Variants in GRM7 observed in about 807,000 individuals in gnomAD.
GRM7 encodes the protein metabotropic glutamate receptor 7.
A neutral mutation model predicts 84.5 loss-of-function variants in GRM7; 35 were observed. The observed-to-expected ratio is 0.41, with a 90% confidence interval of 0.32 to 0.55. The LOEUF (loss-of-function observed/expected upper bound fraction) is 0.55, where lower values mean the gene tolerates loss of function less well. Among genes scored for constraint, GRM7 ranks in the 20% least tolerant of loss-of-function variants. GRM7 has a pLI of 0.19. For synonymous variants in GRM7, 487 were observed against 455.1 expected, an observed-to-expected ratio of 1.07 and a Z score of -0.89; for missense variants, 1,003 against 1,194.6, an observed-to-expected ratio of 0.84 and a Z score of 2.36.
intron 1 of GRM7, among the ~76,000 whole-genome samples, chr3:7,087,288 T>C (rs1281542023): frequency 1.3e-5 from 2 of 152,184 alleles, no homozygotes; most frequent in Admixed American, 1.3e-4. Flanking sequence ...TTTATCTTAA[T>C]TACATTATAG....
intron 6 of GRM7, among the ~76,000 whole-genome samples, chr3:7,453,577 A>T (rs1019989608): frequency 6.6e-6 from 1 of 152,142 alleles, no homozygotes; most frequent in Non-Finnish European, 1.5e-5. Flanking sequence ...CCTAGGGCAA[A>T]GTCTGAAAGG....
intron 1 of GRM7, among the ~76,000 whole-genome samples, chr3:6,867,654 A>T (rs1272229991): frequency 6.6e-6 from 1 of 152,166 alleles, no homozygotes; most frequent in African/African-American, 2.4e-5. Flanking sequence ...ACAATTAAAA[A>T]CAGCTGCAAA....
intron 7 of GRM7, among the ~76,000 whole-genome samples, chr3:7,482,417 G>A (rs577631187): frequency 2.6e-5 from 4 of 152,258 alleles, no homozygotes; most frequent in Admixed American, 6.5e-5. Flanking sequence ...AAACTGATAT[G>A]TAGGTAACCA....
intron 1 of GRM7, among the ~76,000 whole-genome samples, chr3:7,095,841 AAGT>A (rs1292983294): frequency 6.6e-6 from 1 of 152,150 alleles, no homozygotes; most frequent in Non-Finnish European, 1.5e-5. Flanking sequence ...TCTCAAGAAA[AAGT>A]AGCAGCCTTG....
intron 1 of GRM7, among the ~76,000 whole-genome samples, chr3:6,907,800 C>T (rs575581632): frequency 6.6e-6 from 1 of 152,058 alleles, no homozygotes; most frequent in African/African-American, 2.4e-5. Context: ...TTTAGAAAAC[C>T]ACAACAGTCC....
chr3:7,168,441 A>G (rs1332832323), intron 2 of GRM7, among the ~76,000 whole-genome samples: 1 of 152,106 alleles, frequency 6.6e-6, no homozygotes, highest in Non-Finnish European at 1.5e-5. Context: ...ATGGCCTGAT[A>G]ACAAGAAACA....
chr3:7,096,876 T>C (rs1359651291), intron 1 of GRM7, among the ~76,000 whole-genome samples: 2 of 152,182 alleles, frequency 1.3e-5, no homozygotes, highest in Non-Finnish European at 2.9e-5. Context: ...ATATTCTTTA[T>C]TATGCTATAG....
intron 9 of GRM7, chr3:7,681,997 A>G (rs1374697836): frequency 6.6e-6 from 1 of 152,226 alleles, no homozygotes; most frequent in Non-Finnish European, 1.5e-5. Flanking sequence ...GATGCAGTTA[A>G]GTGTAGATTA....
At chr3:7,683,316 C>G (rs1472851076) in intron 9 of GRM7, among the ~76,000 whole-genome samples, 2 of 152,154 alleles carry the variant, frequency 1.3e-5, no homozygotes, top group Non-Finnish European at 2.9e-5. Flanking sequence ...TCTTTCCTTG[C>G]AAAAGTTTCA....
At chr3:7,378,543 C>T (rs1694454671) in intron 4 of GRM7, among the ~76,000 whole-genome samples, 1 of 152,102 alleles carries the variant, frequency 6.6e-6, no homozygotes, top group Admixed American at 6.6e-5. Context: ...CTAAGACGGC[C>T]TCTTCTTGAA....
intron 1 of GRM7, among the ~76,000 whole-genome samples, chr3:6,930,305 A>G (rs554144615): frequency 6.6e-4 from 101 of 152,342 alleles, no homozygotes; most frequent in African/African-American, 2.2e-3. Context: ...GAAAAATGTT[A>G]TATCTGACAT....
chr3:7,331,795 G>A, intron 4 of GRM7, among the ~76,000 whole-genome samples: 1 of 152,106 alleles, frequency 6.6e-6, no homozygotes, highest in East Asian at 1.9e-4. Context: ...ACAGCACAGA[G>A]GTAGCTCTCT....
chr3:6,888,490 T>C (rs1695795988), intron 1 of GRM7, among the ~76,000 whole-genome samples: 1 of 152,148 alleles, frequency 6.6e-6, no homozygotes, highest in African/African-American at 2.4e-5. Flanking sequence ...AAATAGGGAA[T>C]CCTTTCCCCA....
chr3:7,693,097 GTCTGCTAGAACGGAAATGTTTA>G (rs1194183215), intron 9 of GRM7, among the ~76,000 whole-genome samples: 1 of 151,698 alleles, frequency 6.6e-6, no homozygotes, highest in Non-Finnish European at 1.5e-5. Flanking sequence ...AAAGAACATG[GTCTGCTAGAACGGAAATGTTTA>G]ATTCTCAGAA....
chr3:6,963,119 A>G (rs1693365694), intron 1 of GRM7, among the ~76,000 whole-genome samples: 2 of 152,168 alleles, frequency 1.3e-5, no homozygotes, highest in South Asian at 2.1e-4. Context: ...TTTTCTTTGG[A>G]GATGTTTTCC....
At chr3:7,515,229 G>GTTAAGAAACTGAGTTAAGAGAAAAAAAT (rs1700334516) in intron 7 of GRM7, among the ~76,000 whole-genome samples, 1 of 130,646 alleles carries the variant, frequency 7.7e-6, no homozygotes. Flanking sequence ...AAAAAAAAAA[G>GTTAAGAAACTGAGTTAAGAGAAAAAAAT]ACATCAAATA....
chr3:7,385,163 A>T (rs1694735208), intron 4 of GRM7, among the ~76,000 whole-genome samples: 1 of 152,058 alleles, frequency 6.6e-6, no homozygotes, highest in Non-Finnish European at 1.5e-5. Flanking sequence ...CCGGGAGATT[A>T]AGTCATTATA....
At chr3:7,678,700 C>T (rs1316217219) in intron 8 of GRM7, among the ~76,000 whole-genome samples, 1 of 152,160 alleles carries the variant, frequency 6.6e-6, no homozygotes, top group Admixed American at 6.5e-5. Flanking sequence ...CGTTTGGAGA[C>T]ATACATATTC....
rs1198478872 is a variant in GRM7, at chr3:7,464,646, C to T, written c.1515+2924C>T. On this transcript the variant is annotated intron_variant, in intron 7 of 9. Coordinates refer to ENST00000357716, the MANE Select transcript of GRM7 (RefSeq NM_000844.4). ...GAGATCAAGACCATCCTGGCTAACA[C>T]TGTGAAACCCCGTCTCTAAAAATAC... 3.9e-5 allele frequency among the ~76,000 whole-genome samples: 6 copies of T among 151,906 alleles called. No homozygotes were observed. The East Asian group carries it at 1.2e-3, about 30-fold the overall frequency.
Sources: allele counts gnomAD v4.1 joint callset (sites outside exome capture counted in the v4.1 genomes callset), GRCh38; gene constraint gnomAD v4.1.1; transcripts MANE v1.5; gene names NCBI Gene and HGNC (gene_info 2026-07-23, HGNC 2026-07-21).